MTHFD1L: variants seen among roughly 807,000 people sequenced by gnomAD.
MTHFD1L encodes the protein methylenetetrahydrofolate dehydrogenase (NADP+ dependent) 1 like.
MTHFD1L carries 81 observed loss-of-function variants against 119.5 expected under a neutral mutation model. That is an observed-to-expected ratio of 0.68 (90% CI 0.57 to 0.82). The LOEUF is 0.82. MTHFD1L is among the 40% of genes least tolerant of loss of function. The pLI, the probability that MTHFD1L is intolerant of heterozygous loss-of-function variation, is 0.00. For synonymous variants in MTHFD1L, 430 were observed against 475.2 expected (o/e 0.90, Z 1.24); for missense variants, 1,125 against 1,253.4 (o/e 0.90, Z 1.55).
chr6:150,918,497 G>A, intron 8 of MTHFD1L, 80 bp from the exon 9 acceptor site: 1 of 978,898 alleles, frequency 1.0e-6, no homozygotes, highest in East Asian at 2.4e-5. Context: ...ACTATTCAGT[G>A]TGCTAGCTGT....
chr6:151,055,629 G>A (rs1298095538), intron 26 of MTHFD1L: 1 of 151,696 alleles, frequency 6.6e-6, no homozygotes, highest in Non-Finnish European at 1.5e-5. Context: ...CCAGGTTCAA[G>A]TGATTCTCCT....
chr6:150,989,038 C>A (rs549103929), intron 20 of MTHFD1L, among the ~76,000 whole-genome samples: 31 of 152,334 alleles, frequency 2.0e-4, no homozygotes, highest in African/African-American at 6.5e-4. Context: ...CCACGCCTGG[C>A]CTATTAGGGA....
chr6:150,888,738 C>G (rs1782717159), intron 7 of MTHFD1L, among the ~76,000 whole-genome samples: 1 of 152,204 alleles, frequency 6.6e-6, no homozygotes, highest in Non-Finnish European at 1.5e-5. Context: ...GGAGACATTC[C>G]CAGCCACACA....
At position 150,956,269 on chromosome 6, in the gene MTHFD1L, T is replaced by C. The variant is rs532183677; in HGVS notation, c.1803+198T>C. ...CAGTGTCTTTTTACCATCTTTTCTA[T>C]GTATGTTTATTTCATTTTCTTTTTT... On this transcript the variant is annotated intron_variant, in intron 17 of 27. Transcript: ENST00000367321. Among the ~76,000 whole-genome samples, 65 of 152,348 alleles carry C rather than the reference T, an allele frequency of 4.3e-4. 1 individual carries two copies. The highest frequency in any genetic ancestry group is 1.1e-3 in the Admixed American group (17 of 15,302).
At chr6:150,951,966 G>A (rs1477840437) in intron 16 of MTHFD1L, among the ~76,000 whole-genome samples, 1 of 152,212 alleles carries the variant, frequency 6.6e-6, no homozygotes, top group Non-Finnish European at 1.5e-5. Flanking sequence ...TCTGCTTTGG[G>A]GTTCCAGCCT....
intron 27 of MTHFD1L, among the ~76,000 whole-genome samples, chr6:151,095,502 A>T (rs189260801): frequency 1.4e-3 from 219 of 152,280 alleles, no homozygotes; most frequent in Non-Finnish European, 2.4e-4. Context: ...GTCCAATTAT[A>T]CCTTAATCAC....
At chr6:151,053,574 C>T (rs949188184) in intron 26 of MTHFD1L, among the ~76,000 whole-genome samples, 4 of 152,000 alleles carry the variant, frequency 2.6e-5, no homozygotes, top group Admixed American at 2.0e-4. Context: ...TAGTTTAAAA[C>T]GCTGGCCAGG....
intron 8 of MTHFD1L, among the ~76,000 whole-genome samples, chr6:150,907,663 G>T (rs898861444): frequency 6.6e-5 from 10 of 152,078 alleles, no homozygotes; most frequent in African/African-American, 2.4e-4. Context: ...CCTGGGAAAA[G>T]ATCAAAATTT....
rs191353090 is a variant in MTHFD1L at position 150,913,053 on chromosome 6, A to G, written c.893-5524A>G. 693 of 155,796 alleles carry G rather than the reference A, an allele frequency of 4.4e-3. 4 individuals are homozygous for G. Among genetic ancestry groups the G allele is most frequent in the African/African-American group, 0.016 (656 of 41,558 alleles). 9.7% of individuals were successfully genotyped at this position (155,796 alleles called of 1,614,324 possible). A position where few individuals can be genotyped will look rare whatever the true frequency, so the allele number is the denominator to read the frequency against. On this transcript the variant is annotated intron_variant, in intron 8 of 27. Coordinates refer to ENST00000367321, the MANE Select transcript of MTHFD1L (RefSeq NM_015440.5). The stretch of plus-strand genomic sequence containing the variant: ...GAGACAGAGTCTCGCTCTGTCATCC[A>G]GGCAGGAATGCAGTGGCGCAACTGC...
At chr6:150,892,036 A>G (rs1783383607) in intron 7 of MTHFD1L, among the ~76,000 whole-genome samples, 1 of 152,206 alleles carries the variant, frequency 6.6e-6, no homozygotes. Context: ...CAGCTCAGGA[A>G]GGCAGCCTTG....
chr6:151,079,260 G>A (rs906626938), intron 26 of MTHFD1L, among the ~76,000 whole-genome samples: 2 of 143,344 alleles, frequency 1.4e-5, no homozygotes, highest in African/African-American at 2.5e-5. Context: ...AGGGGTAGTA[G>A]GATATGAAGG....
intron 27 of MTHFD1L, among the ~76,000 whole-genome samples, chr6:151,100,087 G>T (rs1391216025): frequency 7.0e-6 from 1 of 143,580 alleles, no homozygotes; most frequent in Admixed American, 7.1e-5. Flanking sequence ...AGGCTGAAGT[G>T]CAGTGGCACG....
intron 26 of MTHFD1L, among the ~76,000 whole-genome samples, chr6:151,087,376 T>C (rs1793922098): frequency 6.6e-6 from 1 of 152,170 alleles, no homozygotes; most frequent in Non-Finnish European, 1.5e-5. Flanking sequence ...ATATCAGCCA[T>C]CCATCAGAGA....
intron 26 of MTHFD1L, among the ~76,000 whole-genome samples, chr6:151,073,217 C>G (rs190931663): frequency 2.5e-4 from 38 of 152,244 alleles, no homozygotes; most frequent in South Asian, 8.3e-4. Flanking sequence ...GAGAGCTTTG[C>G]GGATGTACAG....
chr6:151,058,534 CT>C (rs1562611069), intron 26 of MTHFD1L, among the ~76,000 whole-genome samples: 1 of 152,190 alleles, frequency 6.6e-6, no homozygotes, highest in East Asian at 1.9e-4. Context: ...GGCAATTAGC[CT>C]ACAGAAACCC....
At chr6:150,913,317 C>T (rs1302133562) in intron 8 of MTHFD1L, among the ~76,000 whole-genome samples, 3 of 135,592 alleles carry the variant, frequency 2.2e-5, no homozygotes, top group East Asian at 2.0e-4. Context: ...CCCGCCACCA[C>T]GCCCGGCTAG....
intron 20 of MTHFD1L, among the ~76,000 whole-genome samples, chr6:150,974,213 C>T (rs766676351): frequency 1.7e-4 from 26 of 152,088 alleles, no homozygotes; most frequent in Non-Finnish European, 3.2e-4. Context: ...ATAGGGCTTC[C>T]CTCTCGAAAG....
At position 150,980,908 on chromosome 6, in the gene MTHFD1L, C is replaced by A. The variant is rs1047546082; in HGVS notation, c.2125+8850C>A. ...ATATATGTACACTAGAGATCTGTAG[C>A]GGAGGTTCTCAGACTTTCTCTGCTC... is the stretch of plus-strand genomic sequence containing the variant. On this transcript the variant is annotated intron_variant, in intron 20 of 27. Coordinates refer to ENST00000367321, the MANE Select transcript of MTHFD1L (RefSeq NM_015440.5). 2.6e-5 allele frequency among the ~76,000 whole-genome samples: 4 copies of A among 152,074 alleles called. No homozygotes were observed. In the East Asian group the frequency reaches 7.7e-4, roughly 29 times the overall value.
chr6:150,876,230 A>G, intron 2 of MTHFD1L, 56 bp downstream of exon 2: 3 of 1,345,594 alleles, frequency 2.2e-6, no homozygotes, highest in Non-Finnish European at 3.0e-6. Context: ...CAATTTAGAA[A>G]ATGATTGTAT....
Sources: gnomAD v4.1 joint callset for allele counts (sites outside exome capture counted in the v4.1 genomes callset) on GRCh38, gnomAD v4.1.1 for gene constraint, MANE v1.5 for transcripts, NCBI Gene and HGNC (gene_info 2026-07-23, HGNC 2026-07-21) for gene names.